Variants in PDGFC observed in about 807,000 individuals in gnomAD.
PDGFC encodes the protein platelet-derived growth factor C.
Under a neutral mutation model 35.5 loss-of-function variants are expected in PDGFC, and 12 were observed. That is an observed-to-expected ratio of 0.34 (90% CI 0.22 to 0.55). The LOEUF (loss-of-function observed/expected upper bound fraction) is 0.55, where lower values mean the gene tolerates loss of function less well. Ranked by LOEUF, PDGFC falls within the 20% of genes least tolerant of loss-of-function variation. The probability of loss-of-function intolerance (pLI) is 0.91; values close to 1 mark genes in which losing one functional copy is unlikely to be tolerated. For missense variants in PDGFC, 322 were observed against 412.4 expected (o/e 0.78, Z 1.90); for synonymous variants, 159 against 148.8 (o/e 1.07, Z -0.50).
chr4:156,930,741 G>T (rs1337001677), intron 1 of PDGFC, among the ~76,000 whole-genome samples: 1 of 152,012 alleles, frequency 6.6e-6, no homozygotes, highest in Non-Finnish European at 1.5e-5. Context: ...GGTGGTGCAC[G>T]CCTGTAATCC....
intron 3 of PDGFC, among the ~76,000 whole-genome samples, chr4:156,785,048 T>A (rs1281598562): frequency 6.6e-6 from 1 of 152,158 alleles, no homozygotes; most frequent in South Asian, 2.1e-4. Flanking sequence ...TTCTCAATAA[T>A]TTTTAGTGTA....
intron 1 of PDGFC, among the ~76,000 whole-genome samples, chr4:156,954,885 T>C (rs973857209): frequency 2.6e-4 from 40 of 152,036 alleles, no homozygotes; most frequent in Non-Finnish European, 7.4e-5. Context: ...ACAAGCTGTG[T>C]TGGGTCTAAG....
intron 1 of PDGFC, among the ~76,000 whole-genome samples, chr4:156,928,123 T>C (rs1027770004): frequency 2.6e-5 from 4 of 152,170 alleles, no homozygotes; most frequent in Non-Finnish European, 5.9e-5. Flanking sequence ...GCCCCCATGA[T>C]TTAAATTATT....
At chr4:156,830,346 C>A (rs111822875) in intron 2 of PDGFC, among the ~76,000 whole-genome samples, 1 of 151,610 alleles carries the variant, frequency 6.6e-6, no homozygotes, top group Non-Finnish European at 1.5e-5. Context: ...TGAGAACTTA[C>A]GCACCTCAAA....
chr4:156,824,137 C>G (rs980218071), intron 2 of PDGFC, among the ~76,000 whole-genome samples: 2 of 151,776 alleles, frequency 1.3e-5, no homozygotes, highest in Non-Finnish European at 2.9e-5. Flanking sequence ...TTTCGTTAGA[C>G]TGTAGGAATA....
At chr4:156,826,174 A>AGTTTT (rs1288749370) in intron 2 of PDGFC, among the ~76,000 whole-genome samples, 1 of 43,768 alleles carries the variant, frequency 2.3e-5, no homozygotes, top group Non-Finnish European at 4.1e-5. Flanking sequence ...TTTGAGTTGG[A>AGTTTT]TTTTTTTTTT....
At chr4:156,960,567 A>G (rs1349321883) in intron 1 of PDGFC, among the ~76,000 whole-genome samples, 1 of 151,834 alleles carries the variant, frequency 6.6e-6, no homozygotes, top group Admixed American at 6.6e-5. Flanking sequence ...AATAAAATGC[A>G]TAGTTGTAGA....
chr4:156,889,265 G>A (rs1730447742), intron 1 of PDGFC, among the ~76,000 whole-genome samples: 1 of 151,990 alleles, frequency 6.6e-6, no homozygotes, highest in Non-Finnish European at 1.5e-5. Flanking sequence ...TCACATACAG[G>A]TCTGATATTT....
chr4:156,830,983 G>A (rs1168161206), intron 2 of PDGFC, among the ~76,000 whole-genome samples: 4 of 152,084 alleles, frequency 2.6e-5, no homozygotes, highest in Non-Finnish European at 5.9e-5. Flanking sequence ...TATATTTTTT[G>A]TATGCCTATC....
intron 1 of PDGFC, among the ~76,000 whole-genome samples, chr4:156,921,577 T>G (rs1033181109): frequency 6.6e-6 from 1 of 151,906 alleles, no homozygotes; most frequent in African/African-American, 2.4e-5. Context: ...GCTGGGTGGG[T>G]TTTTTTCCCC....
At position 156,852,000 on chromosome 4, in the gene PDGFC, A is replaced by G. The variant is rs59061283; in HGVS notation, c.119-1584T>C. On this transcript the variant is annotated intron_variant, in intron 1 of 5. Transcript: ENST00000502773. ...ACTTCCAATGAGAAAAACAACAACA[A>G]CAGCAACAACAACAAAAACTTTTAA... is the stretch of plus-strand genomic sequence containing the variant. 4.5e-4 allele frequency among the ~76,000 whole-genome samples: 68 copies of G among 151,774 alleles called. 1 individual carries two copies. The East Asian group carries it at 7.6e-3, about 17-fold the overall frequency.
chr4:156,948,893 C>T (rs1430397218), intron 1 of PDGFC, among the ~76,000 whole-genome samples: 1 of 151,786 alleles, frequency 6.6e-6, no homozygotes, highest in Non-Finnish European at 1.5e-5. Context: ...GCCCCGTATC[C>T]CCTGAGTAAT....
chr4:156,810,726 G>T, intron 3 of PDGFC, 111 bp downstream of exon 3: 1 of 687,024 alleles, frequency 1.5e-6, no homozygotes, highest in Non-Finnish European at 2.5e-6. Context: ...TGAAATCCCA[G>T]CTAGGTTTGT....
intron 2 of PDGFC, among the ~76,000 whole-genome samples, chr4:156,819,155 A>G (rs1732177980): frequency 6.6e-6 from 1 of 152,310 alleles, no homozygotes; most frequent in East Asian, 1.9e-4. Context: ...TTCATAACAT[A>G]AAAGTGCAAG....
At position 156,786,904 on chromosome 4, in the gene PDGFC, G is replaced by A. The variant is rs564264979; in HGVS notation, c.496-14011C>T. On this transcript the variant is annotated intron_variant, in intron 3 of 5. Coordinates refer to ENST00000502773, the MANE Select transcript of PDGFC (RefSeq NM_016205.3). Reference sequence around the variant, plus strand: ...GTTTAAAAGGATCACACTCACTGCTGTGCTGAAAATAGAATGCAGGAAGGC... The same window carrying A: ...GTTTAAAAGGATCACACTCACTGCTATGCTGAAAATAGAATGCAGGAAGGC... Among the ~76,000 whole-genome samples, 90 of 152,300 alleles carry A rather than the reference G, an allele frequency of 5.9e-4. 3 individuals are homozygous for A. The South Asian group carries it at 0.018, about 31-fold the overall frequency.
chr4:156,910,692 AC>A (rs1731018153), intron 1 of PDGFC, among the ~76,000 whole-genome samples: 1 of 152,088 alleles, frequency 6.6e-6, no homozygotes, highest in Non-Finnish European at 1.5e-5. Context: ...CCACATCCTC[AC>A]CAGTATTTGG....
chr4:156,836,486 AT>A (rs1417950315), intron 2 of PDGFC, among the ~76,000 whole-genome samples: 1 of 152,162 alleles, frequency 6.6e-6, no homozygotes, highest in Non-Finnish European at 1.5e-5. Context: ...GAAAACCCTT[AT>A]TCTTTTTTCT....
chr4:156,927,334 T>C (rs920488807), intron 1 of PDGFC, among the ~76,000 whole-genome samples: 1 of 152,188 alleles, frequency 6.6e-6, no homozygotes, highest in African/African-American at 2.4e-5. Flanking sequence ...GCTTGTTACT[T>C]ATGCAAATTT....
intron 2 of PDGFC, among the ~76,000 whole-genome samples, chr4:156,847,645 T>C (rs1041855148): frequency 6.6e-6 from 1 of 151,850 alleles, no homozygotes; most frequent in Admixed American, 6.6e-5. Context: ...ATTTCTTAGT[T>C]ATGCAAATAT....
Sources: allele counts gnomAD v4.1 joint callset (sites outside exome capture counted in the v4.1 genomes callset), GRCh38; gene constraint gnomAD v4.1.1; transcripts MANE v1.5; gene names NCBI Gene and HGNC (gene_info 2026-07-23, HGNC 2026-07-21).